Variants in STARD9 observed in about 807,000 individuals in gnomAD.
STARD9 encodes the protein StAR related lipid transfer domain containing 9, also known as stAR-related lipid transfer protein 9.
In STARD9, 346 loss-of-function variants were observed where a neutral mutation model predicts 399.8. That is an observed-to-expected ratio of 0.87 (90% CI 0.79 to 0.95). STARD9 has a LOEUF of 0.95. Among genes scored for constraint, STARD9 ranks in the 40% least tolerant of loss-of-function variants. STARD9 has a pLI of 0.00. For synonymous variants in STARD9, 2,203 were observed against 2,143.5 expected (o/e 1.03, Z -0.77); for missense variants, 5,832 against 5,667.5 (o/e 1.03, Z -0.93).
intron 7 of STARD9, among the ~76,000 whole-genome samples, chr15:42,649,015 G>T (rs992610417): frequency 5.9e-5 from 9 of 152,040 alleles, no homozygotes; most frequent in African/African-American, 2.2e-4. Flanking sequence ...GAGATTACAG[G>T]TGTGCACACC....
At chr15:42,621,342 C>G (rs1043459998) in intron 3 of STARD9, among the ~76,000 whole-genome samples, 3 of 152,024 alleles carry the variant, frequency 2.0e-5, no homozygotes, top group African/African-American at 7.3e-5. Flanking sequence ...ATCTTTGATT[C>G]ATGGTTTCTC....
intron 30 of STARD9, 32 bp from the exon 31 acceptor site, chr15:42,718,403 C>CCT (rs2061390796): frequency 6.6e-7 from 1 of 1,512,944 alleles, no homozygotes; most frequent in Non-Finnish European, 8.9e-7. Context: ...TGTCCATGGG[C>CCT]CTCCTGACCT....
intron 26 of STARD9, among the ~76,000 whole-genome samples, chr15:42,704,010 C>T (rs945057410): frequency 2.0e-5 from 3 of 152,178 alleles, no homozygotes; most frequent in East Asian, 1.9e-4. Context: ...CGGGTTCAAG[C>T]GATTCTCCTG....
chr15:42,587,414 A>C (rs921896745), intron 3 of STARD9, among the ~76,000 whole-genome samples: 14 of 152,070 alleles, frequency 9.2e-5, no homozygotes, highest in Admixed American at 7.2e-4. Context: ...TAAGCATCTC[A>C]CCTTTGTAGT....
intron 3 of STARD9, among the ~76,000 whole-genome samples, chr15:42,610,359 T>G (rs1182087850): frequency 6.6e-6 from 1 of 152,102 alleles, no homozygotes; most frequent in Non-Finnish European, 1.5e-5. Context: ...TCTAAAGCCC[T>G]CTTTCCTTTC....
At chr15:42,717,932 A>G (rs958225104) in intron 29 of STARD9, 45 bp from the exon 30 acceptor site, 4 of 1,529,282 alleles carry the variant, frequency 2.6e-6, no homozygotes, top group Middle Eastern at 1.7e-4. Context: ...CTTAGAGCCC[A>G]TTTTTGACCC....
chr15:42,640,151 C>G lies in STARD9; in HGVS notation c.559+1339C>G, dbSNP rs940334882. ...CAGGCTGGTCTTGAACTCCTGGCCT[C>G]AAGTGATCTTCCCACCTCAGCTTCC... is the stretch of plus-strand genomic sequence containing the variant. On this transcript the variant is annotated intron_variant, in intron 7 of 32. Transcript: ENST00000290607. Among the ~76,000 whole-genome samples, 5 of 152,132 alleles carry G rather than the reference C, an allele frequency of 3.3e-5. No individual in the cohort carries two copies. The East Asian group carries it at 7.7e-4, about 23-fold the overall frequency.
intron 4 of STARD9, among the ~76,000 whole-genome samples, chr15:42,637,154 CA>C (rs1188097448): frequency 3.3e-5 from 5 of 151,174 alleles, no homozygotes; most frequent in African/African-American, 1.2e-4. Context: ...GCACTGGATA[CA>C]AGATGGGAAA....
intron 21 of STARD9, 71 bp from the exon 22 acceptor site, chr15:42,682,033 T>C (rs1595761232): frequency 9.8e-7 from 1 of 1,017,568 alleles, no homozygotes; most frequent in East Asian, 2.6e-5. Flanking sequence ...TGGCTGGAGG[T>C]ATCTGAGTCC....
chr15:42,637,757 A>G (rs544356533), intron 4 of STARD9, 150 bp from the exon 5 acceptor site: 43 of 748,072 alleles, frequency 5.7e-5, no homozygotes, highest in South Asian at 3.8e-4. Context: ...AAAGTCTTCT[A>G]TATTCCCCAG....
chr15:42,582,329 G>T (rs2058191200), intron 1 of STARD9, among the ~76,000 whole-genome samples: 1 of 152,170 alleles, frequency 6.6e-6, no homozygotes, highest in Admixed American at 6.5e-5. Context: ...TGTAGTGGAG[G>T]ATGTTCTAAT....
At chr15:42,585,243 C>T (rs528363973) in intron 2 of STARD9, among the ~76,000 whole-genome samples, 1 of 152,246 alleles carries the variant, frequency 6.6e-6, no homozygotes, top group East Asian at 1.9e-4. Flanking sequence ...ATGCCCAGAG[C>T]GGGAGAGGCT....
In STARD9 at chr15:42,717,941, C is replaced by T. The variant is rs1324367429; in HGVS notation, c.13560-36C>T. The T allele has an allele frequency of 2.6e-6, 4 of 1,531,120 alleles. No individual in the cohort carries two copies. The Admixed American group carries it at 7.8e-5, about 30-fold the overall frequency. 94.8% of individuals were successfully genotyped at this position (1,531,120 alleles called of 1,614,324 possible). On this transcript the variant is annotated intron_variant, in intron 29 of 32. Coordinates refer to ENST00000290607, the MANE Select transcript of STARD9 (RefSeq NM_020759.3). ...GTGACCCTTAGAGCCCATTTTTGACCCCTTTCTATTTTCTGTGCTTGGTGT... is the reference window on the plus strand; with the variant it reads ...GTGACCCTTAGAGCCCATTTTTGACTCCTTTCTATTTTCTGTGCTTGGTGT...
At chr15:42,638,598 G>A (rs2141935252) in intron 6 of STARD9, 102 bp from the exon 7 acceptor site, 1 of 718,320 alleles carries the variant, frequency 1.4e-6, no homozygotes, top group East Asian at 2.9e-5. Flanking sequence ...AGTGTCAGAA[G>A]TGGAGCTGGA....
chr15:42,593,125 A>G (rs2058433766), intron 3 of STARD9, among the ~76,000 whole-genome samples: 1 of 152,114 alleles, frequency 6.6e-6, no homozygotes, highest in Non-Finnish European at 1.5e-5. Flanking sequence ...CGTGATTACC[A>G]TTATCATACG....
chr15:42,673,069 G>C (rs1172437700), intron 16 of STARD9: 1 of 149,606 alleles, frequency 6.7e-6, no homozygotes, highest in African/African-American at 2.5e-5. Context: ...CTGCACTCCA[G>C]CCTGGGTAAC....
At position 42,575,725 on chromosome 15, in the gene STARD9, G is replaced by A. The variant is rs974259596; in HGVS notation, c.10G>A (p.Val4Met). Residue 4 changes from valine to methionine, a missense_variant, in exon 1 of 33, where the codon GTG becomes ATG. Physicochemically the swap from Val to Met is conservative, Grantham distance 21. This residue lies in a region of STARD9 where 5,828 missense variants were observed against 5,651.1 expected (regional missense o/e 1.03). Coordinates refer to ENST00000290607, the MANE Select transcript of STARD9 (RefSeq NM_020759.3). MANVQVAVRVRPLS... is the reference protein window; with the variant it reads MANMQVAVRVRPLS... ...GGGTTGTGGCAGACGGATGGCGAAC[G>A]TGCAGGTCGCCGTGCGGGTCCGGCC... 73 of 1,536,468 alleles carry A rather than the reference G, an allele frequency of 4.8e-5. No individual in the cohort carries two copies. The highest frequency in any genetic ancestry group is 5.7e-5 in the Non-Finnish European group (65 of 1,146,804).
Position 42,652,537 on chromosome 15 carries a change from A to G in STARD9, c.647A>G (p.His216Arg), listed in dbSNP as rs756438821. The change falls in exon 9 of 33, where the codon CAT (histidine) becomes CGT (arginine). Residue 216 changes from histidine to arginine, a missense_variant. Transcript: ENST00000290607. ...ATACACAGAATCACAGCAGCCACCC[A>G]TGTTCATGAGGCCAGCAGCAGATCC... ...GIANRITAATHVHEASSRSHA... is the reference protein window; with the variant it reads ...GIANRITAATRVHEASSRSHA... 4 of 1,537,440 alleles carry G rather than the reference A, an allele frequency of 2.6e-6. No individual in the cohort carries two copies. The highest frequency in any genetic ancestry group is 1.2e-5 in the South Asian group (1 of 84,064).
At position 42,687,374 on chromosome 15, in the gene STARD9, T is replaced by G; in HGVS notation, c.5796T>G (p.Asn1932Lys). ...DQNTVLRQTINVSLEKDMPGE... is the reference protein window; with the variant it reads ...DQNTVLRQTIKVSLEKDMPGE... Reference sequence around the variant, plus strand: ...ATACGGTTCTGAGGCAGACCATCAATGTAAGCCTTGAGAAAGACATGCCAG... The same window carrying G: ...ATACGGTTCTGAGGCAGACCATCAAGGTAAGCCTTGAGAAAGACATGCCAG... Residue 1932 changes from asparagine (N) to lysine (K), a missense_variant, in exon 23 of 33, where the codon AAT becomes AAG. This residue lies in a region of STARD9 where 5,828 missense variants were observed against 5,651.1 expected (regional missense o/e 1.03). Coordinates refer to ENST00000290607, the MANE Select transcript of STARD9 (RefSeq NM_020759.3). 6.5e-7 allele frequency: 1 copy of G among 1,536,738 alleles called. No individual in the cohort carries two copies. The highest frequency in any genetic ancestry group is 8.7e-7 in the Non-Finnish European group (1 of 1,146,906).
Sources: gnomAD v4.1 joint callset for allele counts (sites outside exome capture counted in the v4.1 genomes callset) on GRCh38, gnomAD v4.1.1 for gene constraint, gnomAD v4.1.1 regional missense constraint, MANE v1.5 for transcripts, NCBI Gene and HGNC (gene_info 2026-07-23, HGNC 2026-07-21) for gene names.